IL20RB: variants seen among roughly 807,000 people sequenced by gnomAD.
The protein encoded by IL20RB is interleukin-20 receptor subunit beta.
In IL20RB, 21 loss-of-function variants were observed where a neutral mutation model predicts 33.3. That is an observed-to-expected ratio of 0.63 (90% CI 0.45 to 0.91). The LOEUF (loss-of-function observed/expected upper bound fraction) is 0.91, where lower values mean the gene tolerates loss of function less well. Among genes scored for constraint, IL20RB ranks in the 40% least tolerant of loss-of-function variants. The pLI, the probability that IL20RB is intolerant of heterozygous loss-of-function variation, is 0.00. For synonymous variants in IL20RB, 147 were observed against 146.8 expected (o/e 1.00, Z -0.01); for missense variants, 345 against 384.8 (o/e 0.90, Z 0.86).
At chr3:137,003,529 G>A (rs1056653972) in intron 6 of IL20RB, among the ~76,000 whole-genome samples, 2 of 152,094 alleles carry the variant, frequency 1.3e-5, no homozygotes, top group South Asian at 4.1e-4. Flanking sequence ...TCTCTTTGTA[G>A]CAATGGTGAA....
chr3:136,995,282 A>T (rs368319096), intron 5 of IL20RB, 132 bp from the exon 6 acceptor site: 1 of 1,075,436 alleles, frequency 9.3e-7, no homozygotes, highest in African/African-American at 1.6e-5. Context: ...GCACACATCA[A>T]ATCTCAGGAT....
chr3:136,995,662 A>G, intron 6 of IL20RB, 106 bp downstream of exon 6: 1 of 1,068,794 alleles, frequency 9.4e-7, no homozygotes, highest in Non-Finnish European at 1.4e-6. Context: ...ATGAGATTAT[A>G]GGCATCTGCA....
chr3:136,984,661 G>A (rs1410728754), intron 3 of IL20RB, among the ~76,000 whole-genome samples: 1 of 151,874 alleles, frequency 6.6e-6, no homozygotes, highest in South Asian at 2.1e-4. Context: ...GGAGGGAAGG[G>A]ATGGGGCAGG....
At chr3:136,979,654 T>C (rs1373957784) in intron 1 of IL20RB, among the ~76,000 whole-genome samples, 1 of 152,048 alleles carries the variant, frequency 6.6e-6, no homozygotes. Context: ...GCACACTGTG[T>C]CTGGGTACAC....
chr3:136,974,068 A>G (rs1442115756), intron 1 of IL20RB, among the ~76,000 whole-genome samples: 3 of 151,928 alleles, frequency 2.0e-5, no homozygotes, highest in Admixed American at 1.3e-4. Flanking sequence ...AAGGTTATTA[A>G]TATGTGAGGT....
chr3:136,976,268 G>A (rs1941615845), intron 1 of IL20RB, among the ~76,000 whole-genome samples: 1 of 152,196 alleles, frequency 6.6e-6, no homozygotes, highest in African/African-American at 2.4e-5. Flanking sequence ...AATGGTGGGA[G>A]CAGGCAGCAG....
chr3:136,978,735 T>C (rs958962883), intron 1 of IL20RB, among the ~76,000 whole-genome samples: 3 of 152,194 alleles, frequency 2.0e-5, no homozygotes, highest in Admixed American at 6.5e-5. Context: ...ATGTAGTTTA[T>C]GTATATATTT....
intron 1 of IL20RB, among the ~76,000 whole-genome samples, chr3:136,971,584 A>G (rs899701607): frequency 6.6e-6 from 1 of 152,236 alleles, no homozygotes; most frequent in African/African-American, 2.4e-5. Flanking sequence ...AAGTGAGAAC[A>G]TATGATATTT....
intron 1 of IL20RB, among the ~76,000 whole-genome samples, chr3:136,975,612 C>T: frequency 6.6e-6 from 1 of 152,206 alleles, no homozygotes; most frequent in East Asian, 1.9e-4. Flanking sequence ...GCTGGGATTA[C>T]AGGCATGAGC....
chr3:136,983,933 C>A (rs138135175), intron 3 of IL20RB, among the ~76,000 whole-genome samples: 2,457 of 152,228 alleles, frequency 0.016, 81 homozygotes, highest in African/African-American at 0.056. Context: ...CCCTCCTGGG[C>A]TCAAGCGATC....
intron 5 of IL20RB, 101 bp from the exon 6 acceptor site, chr3:136,995,313 C>T: frequency 7.4e-7 from 1 of 1,357,916 alleles, no homozygotes; most frequent in Non-Finnish European, 1.0e-6. Flanking sequence ...GCCGTCTTAG[C>T]CAATGTGCAG....
chr3:137,005,521 G>A (rs1229177141), intron 6 of IL20RB, among the ~76,000 whole-genome samples: 1 of 152,090 alleles, frequency 6.6e-6, no homozygotes, highest in Non-Finnish European at 1.5e-5. Context: ...ATTATGTAAT[G>A]GCCTTCTTTG....
chr3:136,984,290 G>C (rs1355888643), intron 3 of IL20RB, among the ~76,000 whole-genome samples: 1 of 152,136 alleles, frequency 6.6e-6, no homozygotes, highest in Non-Finnish European at 1.5e-5. Flanking sequence ...ATGGAAAGGA[G>C]AATAGAACAG....
chr3:136,962,866 CAAAAA>C (rs34403415), intron 1 of IL20RB, among the ~76,000 whole-genome samples: 7 of 113,220 alleles, frequency 6.2e-5, no homozygotes, highest in Admixed American at 9.1e-5. Flanking sequence ...GGATTTTGGC[CAAAAA>C]AAAAAAAAAA....
chr3:136,973,799 T>C (rs568845984), intron 1 of IL20RB, among the ~76,000 whole-genome samples: 6 of 152,176 alleles, frequency 3.9e-5, no homozygotes, highest in Non-Finnish European at 7.3e-5. Context: ...CATTGATCCA[T>C]TTATCACTAT....
At chr3:136,988,144 A>G (rs1941956219) in intron 3 of IL20RB, among the ~76,000 whole-genome samples, 1 of 152,160 alleles carries the variant, frequency 6.6e-6, no homozygotes, top group African/African-American at 2.4e-5. Flanking sequence ...GCATGCTGTC[A>G]CCTCTCACAC....
intron 1 of IL20RB, among the ~76,000 whole-genome samples, chr3:136,971,979 T>C: frequency 6.6e-6 from 1 of 152,216 alleles, no homozygotes; most frequent in South Asian, 2.1e-4. Flanking sequence ...CCCTTTTCTC[T>C]GCACCCTCAT....
At chr3:136,998,254 G>A (rs1942174719) in intron 6 of IL20RB, among the ~76,000 whole-genome samples, 1 of 144,980 alleles carries the variant, frequency 6.9e-6, no homozygotes. Flanking sequence ...TTTCATGGTT[G>A]TCCTAAGAGT....
intron 6 of IL20RB, among the ~76,000 whole-genome samples, chr3:136,998,634 A>T (rs1454356949): frequency 6.6e-6 from 1 of 151,286 alleles, no homozygotes; most frequent in African/African-American, 2.4e-5. Context: ...TTGGTTGGCA[A>T]TTTTTTCTTA....
Sources: allele counts gnomAD v4.1 joint callset (sites outside exome capture counted in the v4.1 genomes callset), GRCh38; gene constraint gnomAD v4.1.1; transcripts MANE v1.5; gene names NCBI Gene and HGNC (gene_info 2026-07-23, HGNC 2026-07-21).